MYH15: variants seen among roughly 807,000 people sequenced by gnomAD.
The protein encoded by MYH15 is myosin-15.
MYH15 carries 227 observed loss-of-function variants against 240.5 expected under a neutral mutation model. The observed-to-expected ratio is 0.94, with a 90% CI of 0.85 to 1.05. MYH15 has a LOEUF of 1.05. MYH15 is among the 50% of genes least tolerant of loss of function. MYH15 has a pLI of 0.00. For synonymous variants in MYH15, 785 were observed against 796.7 expected (o/e 0.99, Z 0.25); for missense variants, 2,217 against 2,247.5 (o/e 0.99, Z 0.27).
intron 31 of MYH15, among the ~76,000 whole-genome samples, 177 bp from the exon 32 acceptor site, chr3:108,408,581 T>C (rs533076922): frequency 6.6e-6 from 1 of 152,340 alleles, no homozygotes; most frequent in Admixed American, 6.5e-5. Context: ...CATTTTTTCA[T>C]ATAGTCTTTT....
In MYH15 at chr3:108,381,464, T is replaced by C. The variant is rs541333207; in HGVS notation, c.*81A>G. On this transcript the variant is annotated 3_prime_UTR_variant, in exon 41 of 41. Coordinates refer to ENST00000693548, the MANE Select transcript of MYH15 (RefSeq NM_014981.3). ...ATTTAAACATGTTTTTAAAAATGTT[T>C]CCATGCAACCTAAGTTTTTGGCCAT... 1.5e-5 allele frequency: 22 copies of C among 1,478,266 alleles called. No homozygotes were observed. In the East Asian group the frequency reaches 5.0e-4, roughly 33 times the overall value. The allele number at this position is 1,478,266 out of a possible 1,614,324, so 91.6% of individuals were successfully genotyped here.
chr3:108,457,121 T>G (rs2083029060), intron 18 of MYH15, among the ~76,000 whole-genome samples: 2 of 152,190 alleles, frequency 1.3e-5, no homozygotes, highest in Admixed American at 1.3e-4. Flanking sequence ...ACAAGCCCCT[T>G]AATTCACAGT....
At chr3:108,520,393 A>G (rs920631433) in intron 1 of MYH15, among the ~76,000 whole-genome samples, 1 of 152,168 alleles carries the variant, frequency 6.6e-6, no homozygotes, top group African/African-American at 2.4e-5. Context: ...ATAGAAACCT[A>G]CCTTGGAAAG....
chr3:108,455,637 C>A (rs1203801840), intron 20 of MYH15, 99 bp downstream of exon 20: 1 of 1,353,682 alleles, frequency 7.4e-7, no homozygotes, highest in Non-Finnish European at 1.0e-6. Flanking sequence ...GTCATGAGAG[C>A]TGAAGAATGC....
intron 9 of MYH15, 65 bp from the exon 10 acceptor site, chr3:108,486,591 G>T (rs1236246571): frequency 1.8e-6 from 2 of 1,091,584 alleles, no homozygotes; most frequent in Admixed American, 1.9e-5. Context: ...AAAATAATTG[G>T]TCAATATTCG....
intron 2 of MYH15, among the ~76,000 whole-genome samples, chr3:108,502,641 T>C (rs952957004): frequency 2.0e-5 from 3 of 152,192 alleles, no homozygotes; most frequent in Non-Finnish European, 4.4e-5. Flanking sequence ...TATCAAAGTT[T>C]CTTGGGATTC....
At chr3:108,414,455 G>A (rs1243185215) in intron 29 of MYH15, 27 bp from the exon 30 acceptor site, 1 of 1,583,778 alleles carries the variant, frequency 6.3e-7, no homozygotes, top group African/African-American at 1.4e-5. Flanking sequence ...TTAACAAAAA[G>A]GTCATGACCA....
Position 108,401,310 on chromosome 3 carries a change from A to C in MYH15, c.4737-2043T>G, listed in dbSNP as rs535722832. On this transcript the variant is annotated intron_variant, in intron 33 of 40. Coordinates refer to ENST00000693548, the MANE Select transcript of MYH15 (RefSeq NM_014981.3). ...GGGACTAGTTAGCATCCTTATAAGA[A>C]GAGGAAGAGACACAGGGATGCATGT... is the stretch of plus-strand genomic sequence containing the variant. Among the ~76,000 whole-genome samples, 19 of 152,340 alleles carry C rather than the reference A, an allele frequency of 1.2e-4. No individual in the cohort carries two copies. In the South Asian group the frequency reaches 3.3e-3, roughly 27 times the overall value.
In MYH15 at chr3:108,470,759, G is replaced by T. The variant is rs2107587151; in HGVS notation, c.1322C>A (p.Ala441Asp). 6.2e-7 allele frequency: 1 copy of T among 1,613,744 alleles called. No individual in the cohort carries two copies. Among genetic ancestry groups the T allele is most frequent in the East Asian group, 2.2e-5 (1 of 44,836 alleles). ...LVARINRALD[A>D]KLSRQFFIGI... ...AATGAAGAACTGCCTTGACAGCTTG[G>T]CATCCAGGGCCCTGTTGATCCGTGC... The change falls in exon 13 of 41, where the codon GCC (alanine) becomes GAC (aspartate). Residue 441 changes from alanine to aspartate, a missense_variant. Coordinates refer to ENST00000693548, the MANE Select transcript of MYH15 (RefSeq NM_014981.3).
chr3:108,538,133 ATTC>A, the MYH15 span, among the ~76,000 whole-genome samples: 58 of 152,292 alleles, frequency 3.8e-4, no homozygotes, highest in African/African-American at 1.3e-3. Flanking sequence ...TGTTTCGGGC[ATTC>A]TTCTTACTGC....
chr3:108,428,006 G>A (rs1576227094), intron 27 of MYH15, among the ~76,000 whole-genome samples: 1 of 152,324 alleles, frequency 6.6e-6, no homozygotes, highest in South Asian at 2.1e-4. Context: ...GAAAGAACAT[G>A]TGATGAACCT....
At position 108,398,604 on chromosome 3, in the gene MYH15, G is replaced by T. The variant is rs2082480002; in HGVS notation, c.5133+33C>A. The T allele has an allele frequency of 2.5e-6, 4 of 1,607,240 alleles. No individual in the cohort carries two copies. In the East Asian group the frequency reaches 6.7e-5, roughly 27 times the overall value. ...GGGAACCACTGCCTTCAACCAACTGGCCCAGCTAATAGGGAGAGTATATGG... is the reference window on the plus strand; with the variant it reads ...GGGAACCACTGCCTTCAACCAACTGTCCCAGCTAATAGGGAGAGTATATGG... On this transcript the variant is annotated intron_variant, in intron 35 of 40. Transcript: ENST00000693548.
At chr3:108,474,784 G>A (rs184070382) in intron 12 of MYH15, among the ~76,000 whole-genome samples, 2 of 152,126 alleles carry the variant, frequency 1.3e-5, no homozygotes, top group Non-Finnish European at 2.9e-5. Flanking sequence ...CTAACCCCCT[G>A]CCAAGAAATA....
the MYH15 span, among the ~76,000 whole-genome samples, chr3:108,542,086 A>C: frequency 6.6e-6 from 1 of 152,124 alleles, no homozygotes; most frequent in East Asian, 1.9e-4. Flanking sequence ...TTCTGTATTA[A>C]AAATTAAGAC....
intron 1 of MYH15, among the ~76,000 whole-genome samples, chr3:108,526,927 T>C (rs2083676975): frequency 6.6e-6 from 1 of 152,222 alleles, no homozygotes; most frequent in African/African-American, 2.4e-5. Context: ...TTTACATTTA[T>C]CTGTAGCTAA....
chr3:108,532,834 C>T (rs1488863965), upstream of MYH15, among the ~76,000 whole-genome samples: 1 of 152,110 alleles, frequency 6.6e-6, no homozygotes, highest in Non-Finnish European at 1.5e-5. Flanking sequence ...AACATCAAGG[C>T]CATGCCTATC....
chr3:108,455,700 C>T, intron 20 of MYH15, 36 bp downstream of exon 20: 3 of 1,606,810 alleles, frequency 1.9e-6, no homozygotes, highest in South Asian at 1.1e-5. Context: ...TCCCCCCATT[C>T]GTCTCCAAAT....
intron 39 of MYH15, 102 bp downstream of exon 39, chr3:108,384,585 G>A (rs2082367077): frequency 9.8e-7 from 1 of 1,023,764 alleles, no homozygotes; most frequent in Admixed American, 1.9e-5. Flanking sequence ...AGCTGAGCAG[G>A]TCCTCTCTGA....
At chr3:108,428,993 A>G (rs2082752964) in intron 26 of MYH15, 112 bp from the exon 27 acceptor site, 2 of 1,099,648 alleles carry the variant, frequency 1.8e-6, no homozygotes, top group Non-Finnish European at 2.6e-6. Context: ...ATTTACAACT[A>G]AAGAAAACAG....
Sources: allele counts gnomAD v4.1 joint callset (sites outside exome capture counted in the v4.1 genomes callset), GRCh38; gene constraint gnomAD v4.1.1; transcripts MANE v1.5; gene names NCBI Gene and HGNC (gene_info 2026-07-23, HGNC 2026-07-21).